The following ARHGAP42 variants were observed in gnomAD, a reference collection of about 807,000 sequenced individuals.
ARHGAP42 encodes rho GTPase-activating protein 42.
Under a neutral mutation model 125.0 loss-of-function variants are expected in ARHGAP42, and 63 were observed. The ratio of observed to expected loss-of-function variants is 0.50; its 90% CI spans 0.41 to 0.62. The LOEUF (loss-of-function observed/expected upper bound fraction) is 0.62, where lower values mean the gene tolerates loss of function less well. Ranked by LOEUF, ARHGAP42 falls within the 20% of genes least tolerant of loss-of-function variation. ARHGAP42 has a pLI of 0.00. For synonymous variants in ARHGAP42, 339 were observed against 351.0 expected, an observed-to-expected ratio of 0.97 and a Z score of 0.38; for missense variants, 766 against 1,024.2, an observed-to-expected ratio of 0.75 and a Z score of 3.44.
intron 1 of ARHGAP42, among the ~76,000 whole-genome samples, chr11:100,720,068 A>C (rs1036588215): frequency 3.1e-4 from 47 of 152,214 alleles, no homozygotes; most frequent in Non-Finnish European, 8.8e-5. Flanking sequence ...CTAGATCACT[A>C]GGTTAGATTA....
chr11:100,824,858 G>A (rs1275980238), intron 3 of ARHGAP42, among the ~76,000 whole-genome samples: 1 of 152,108 alleles, frequency 6.6e-6, no homozygotes, highest in Non-Finnish European at 1.5e-5. Context: ...ATTCCTTACT[G>A]GTTTCTTTCC....
In ARHGAP42 at chr11:100,992,667, A is replaced by G. The variant is rs140313796; in HGVS notation, c.*3866A>G. The G allele has an allele frequency of 9.4e-6, 15 of 1,603,274 alleles. No homozygotes were observed. Among genetic ancestry groups the G allele is most frequent in the Non-Finnish European group, 9.4e-6 (11 of 1,175,020 alleles). On this transcript the variant is annotated 3_prime_UTR_variant, in exon 24 of 24. Coordinates refer to ENST00000298815, the MANE Select transcript of ARHGAP42 (RefSeq NM_152432.4). ...CAAAATGTGCCAGTTCCACTTGGTA[A>G]TAACGTTGGGAAAATGCAGGTTTAT...
At chr11:100,935,225 A>G (rs1867701595) in intron 7 of ARHGAP42, among the ~76,000 whole-genome samples, 1 of 152,148 alleles carries the variant, frequency 6.6e-6, no homozygotes, top group Non-Finnish European at 1.5e-5. Flanking sequence ...AGGTAATGCA[A>G]AAGAGGTATT....
intron 3 of ARHGAP42, among the ~76,000 whole-genome samples, chr11:100,824,468 G>A (rs890014341): frequency 2.0e-5 from 3 of 152,144 alleles, no homozygotes; most frequent in African/African-American, 7.2e-5. Context: ...AAATTTCACA[G>A]GATCAGTACA....
intron 1 of ARHGAP42, among the ~76,000 whole-genome samples, chr11:100,714,316 A>G (rs1278419970): frequency 6.6e-6 from 1 of 152,180 alleles, no homozygotes; most frequent in Non-Finnish European, 1.5e-5. Flanking sequence ...ATTCTACTAA[A>G]CTTTATAAAA....
intron 7 of ARHGAP42, among the ~76,000 whole-genome samples, chr11:100,934,090 A>G (rs1277602430): frequency 6.6e-6 from 1 of 152,182 alleles, no homozygotes; most frequent in African/African-American, 2.4e-5. Flanking sequence ...CTAGCCTGAG[A>G]AGTCTCTTTT....
intron 1 of ARHGAP42, among the ~76,000 whole-genome samples, chr11:100,733,177 G>A (rs1861989912): frequency 6.6e-6 from 1 of 152,140 alleles, no homozygotes; most frequent in African/African-American, 2.4e-5. Context: ...CCAATGAGCT[G>A]GTTGACTCAT....
intron 2 of ARHGAP42, among the ~76,000 whole-genome samples, chr11:100,792,075 C>G (rs1007895572): frequency 5.9e-5 from 9 of 152,258 alleles, no homozygotes; most frequent in Middle Eastern, 6.8e-3. Context: ...AGAGGCAATA[C>G]CCAGGAGCCA....
At chr11:100,917,015 TTGTGTGTGTGTGTGTGTG>T (rs6144479) in intron 5 of ARHGAP42, among the ~76,000 whole-genome samples, 3 of 149,508 alleles carry the variant, frequency 2.0e-5, no homozygotes, top group Admixed American at 6.7e-5. Context: ...TAAAATAAGT[TTGTGTGTGTGTGTGTGTG>T]TGTGTGTGTG....
intron 1 of ARHGAP42, among the ~76,000 whole-genome samples, chr11:100,763,679 G>A (rs1052380384): frequency 6.6e-6 from 1 of 151,932 alleles, no homozygotes; most frequent in African/African-American, 2.4e-5. Flanking sequence ...CAGTAGAGAT[G>A]GGGTTTCCCC....
chr11:100,761,749 A>C (rs1054080602), intron 1 of ARHGAP42, among the ~76,000 whole-genome samples: 1 of 152,262 alleles, frequency 6.6e-6, no homozygotes, highest in Non-Finnish European at 1.5e-5. Flanking sequence ...TGTTATGCTT[A>C]CAATGAAAAT....
chr11:100,970,384 C>T lies in ARHGAP42; in HGVS notation c.1551-2791C>T, dbSNP rs117093851. 2.4e-4 allele frequency among the ~76,000 whole-genome samples: 37 copies of T among 152,200 alleles called. No individual in the cohort carries two copies. The East Asian group carries it at 7.0e-3, about 29-fold the overall frequency. ...TCTCTTCAGAGAATGCAGCCTGGGA[C>T]ATGACCACAGTCACCCAGGGATAAC... is the stretch of plus-strand genomic sequence containing the variant. On this transcript the variant is annotated intron_variant, in intron 17 of 23. Coordinates refer to ENST00000298815, the MANE Select transcript of ARHGAP42 (RefSeq NM_152432.4).
chr11:100,758,700 A>G (rs1171553048), intron 1 of ARHGAP42, among the ~76,000 whole-genome samples: 1 of 152,210 alleles, frequency 6.6e-6, no homozygotes, highest in Non-Finnish European at 1.5e-5. Context: ...AGCTCTTACT[A>G]TGTGCTGTGA....
At chr11:100,907,697 C>T (rs1046688295) in intron 4 of ARHGAP42, among the ~76,000 whole-genome samples, 6 of 152,130 alleles carry the variant, frequency 3.9e-5, no homozygotes, top group African/African-American at 1.4e-4. Context: ...AGCAACTGGC[C>T]CTTCTGGGAA....
chr11:100,875,152 T>G (rs965781221), intron 4 of ARHGAP42, among the ~76,000 whole-genome samples: 3 of 138,090 alleles, frequency 2.2e-5, no homozygotes, highest in South Asian at 2.4e-4. Flanking sequence ...TGTGTGTGTG[T>G]GGCTCATGAA....
chr11:100,965,012 C>T (rs982433499), intron 16 of ARHGAP42, among the ~76,000 whole-genome samples: 5 of 152,050 alleles, frequency 3.3e-5, no homozygotes, highest in Non-Finnish European at 7.4e-5. Context: ...CTGGGAAGGA[C>T]TCGGGAAACT....
At chr11:100,796,229 G>T (rs80147826) in intron 3 of ARHGAP42, among the ~76,000 whole-genome samples, 2 of 152,028 alleles carry the variant, frequency 1.3e-5, no homozygotes, top group Non-Finnish European at 2.9e-5. Flanking sequence ...CCTGTGATGC[G>T]TGAATGTTAG....
intron 12 of ARHGAP42, among the ~76,000 whole-genome samples, chr11:100,959,069 A>G (rs552915005): frequency 2.3e-5 from 2 of 88,260 alleles, no homozygotes; most frequent in East Asian, 7.1e-4. Flanking sequence ...AGAATATTTT[A>G]AAAATCATGT....
intron 4 of ARHGAP42, among the ~76,000 whole-genome samples, chr11:100,903,709 A>AAAAAAAATATATATATAT (rs1332890022): frequency 6.3e-5 from 4 of 63,500 alleles, no homozygotes; most frequent in African/African-American, 2.7e-4. Context: ...TGTCCCTCAA[A>AAAAAAAATATATATATAT]ATATATATAT....
Sources: allele counts gnomAD v4.1 joint callset (sites outside exome capture counted in the v4.1 genomes callset), GRCh38; gene constraint gnomAD v4.1.1; transcripts MANE v1.5; gene names NCBI Gene and HGNC (gene_info 2026-07-23, HGNC 2026-07-21).